The following KCNH7 variants were observed in gnomAD, a reference collection of about 807,000 sequenced individuals.
KCNH7 encodes the protein voltage-gated inwardly rectifying potassium channel KCNH7.
KCNH7 carries 49 observed loss-of-function variants against 120.8 expected under a neutral mutation model. That is an observed-to-expected ratio of 0.41 (90% CI 0.32 to 0.51). The LOEUF is 0.51. Ranked by LOEUF, KCNH7 falls within the 20% of genes least tolerant of loss-of-function variation. KCNH7 has a pLI of 0.38. For synonymous variants in KCNH7, 547 were observed against 516.1 expected (o/e 1.06, Z -0.81); for missense variants, 1,097 against 1,446.6 (o/e 0.76, Z 3.92).
At chr2:162,775,493 A>T (rs576572169) in intron 2 of KCNH7, among the ~76,000 whole-genome samples, 13 of 152,306 alleles carry the variant, frequency 8.5e-5, no homozygotes, top group Admixed American at 2.6e-4. Context: ...TTAAAAGAGT[A>T]GCCATCACAT....
intron 2 of KCNH7, among the ~76,000 whole-genome samples, chr2:162,749,194 C>CCTTT (rs1445777229): frequency 6.6e-6 from 1 of 150,992 alleles, no homozygotes; most frequent in Non-Finnish European, 1.5e-5. Context: ...CCTCTGCTTT[C>CCTTT]CTTTCTTTCT....
chr2:162,467,817 C>G (rs1689358353), intron 6 of KCNH7, among the ~76,000 whole-genome samples: 1 of 152,146 alleles, frequency 6.6e-6, no homozygotes, highest in Admixed American at 6.5e-5. Context: ...GTTGTGGAAT[C>G]TGAGAAGTCC....
intron 2 of KCNH7, among the ~76,000 whole-genome samples, chr2:162,755,543 A>C (rs1482723807): frequency 6.6e-6 from 1 of 152,096 alleles, no homozygotes; most frequent in Non-Finnish European, 1.5e-5. Context: ...TTGTTTACCC[A>C]CATGTTTCAC....
chr2:162,572,923 G>A (rs141405896), intron 2 of KCNH7, among the ~76,000 whole-genome samples: 1 of 152,190 alleles, frequency 6.6e-6, no homozygotes, highest in East Asian at 1.9e-4. Flanking sequence ...CGGAGGGATA[G>A]CATTGGGAGA....
At chr2:162,407,715 G>GA (rs1300132711) in intron 9 of KCNH7, among the ~76,000 whole-genome samples, 1 of 151,984 alleles carries the variant, frequency 6.6e-6, no homozygotes, top group Non-Finnish European at 1.5e-5. Flanking sequence ...AATTATTTGA[G>GA]AGAGGTAGTG....
chr2:162,373,603 G>A lies in KCNH7; in HGVS notation c.3191C>T (p.Thr1064Ile). 1 of 1,570,922 alleles carries A rather than the reference G, an allele frequency of 6.4e-7. No individual in the cohort carries two copies. The highest frequency in any genetic ancestry group is 8.6e-7 in the Non-Finnish European group (1 of 1,157,410). ...QTILQLLQKQ[T>I]TVVPPAYSMV... Reference sequence around the variant, plus strand: ...ACTGTAGGCTGGGGGGACCACAGTGGTTTGTTTCTGCAGCAACTGTAAGAT... The same window carrying A: ...ACTGTAGGCTGGGGGGACCACAGTGATTTGTTTCTGCAGCAACTGTAAGAT... The change falls in exon 15 of 16, where the codon ACC (threonine) becomes ATC (isoleucine). Residue 1064 changes from threonine to isoleucine, a missense_variant. Physicochemically the swap from Thr to Ile is moderately conservative, Grantham distance 89 (BLOSUM62 -1). Transcript: ENST00000332142.
chr2:162,372,077 G>C lies in KCNH7; in HGVS notation c.3343C>G (p.Leu1115Val). ...PSSQCPEFLD[L>V]EKSKLKSKES... The stretch of plus-strand genomic sequence containing the variant: ...TTGGATTTAAGTTTAGATTTTTCAA[G>C]GTCTAGAAATTCAGGACACTGATGG... Residue 1115 changes from leucine to valine, a missense_variant, in exon 16 of 16, where the codon CTT becomes GTT. Around this residue, in one of 8 missense-constraint regions of KCNH7, gnomAD observed 406 missense variants for 410.5 expected, o/e 0.99. Transcript: ENST00000332142. 1 of 1,611,510 alleles carries C rather than the reference G, an allele frequency of 6.2e-7. No individual in the cohort carries two copies. The highest frequency in any genetic ancestry group is 8.5e-7 in the Non-Finnish European group (1 of 1,178,114).
chr2:162,517,789 T>C lies in KCNH7; in HGVS notation c.833A>G (p.Asp278Gly). 1 of 1,604,306 alleles carries C rather than the reference T, an allele frequency of 6.2e-7. No homozygotes were observed. Among genetic ancestry groups the C allele is most frequent in the Non-Finnish European group, 8.5e-7 (1 of 1,172,072 alleles). Residue 278 changes from aspartate (D) to glycine (G), a missense_variant, in exon 4 of 16, where the codon GAT (aspartate) becomes GGT (glycine). Transcript: ENST00000332142. ...CSIRRASSVHDIEGFGVHPKN... is the reference protein window; with the variant it reads ...CSIRRASSVHGIEGFGVHPKN... ...GGGGTGGACGCCGAATCCTTCTATATCATGGACCGAAGATGCTCTCCGTAT... is the reference window on the plus strand; with the variant it reads ...GGGGTGGACGCCGAATCCTTCTATACCATGGACCGAAGATGCTCTCCGTAT...
At position 162,459,230 on chromosome 2, in the gene KCNH7, G is replaced by T. The variant is rs549498463; in HGVS notation, c.1129-12787C>A. Among the ~76,000 whole-genome samples the T allele has an allele frequency of 1.5e-4, 23 of 151,896 alleles. No individual in the cohort carries two copies. The South Asian group carries it at 4.8e-3, about 32-fold the overall frequency. ...AAAAGGCATAACCAGTATTCCTAGG[G>T]CTTAGCACAGTACCTGGTATATACA... On this transcript the variant is annotated intron_variant, in intron 6 of 15. Coordinates refer to ENST00000332142, the MANE Select transcript of KCNH7 (RefSeq NM_033272.4).
At chr2:162,387,432 C>T (rs1686605990) in intron 12 of KCNH7, among the ~76,000 whole-genome samples, 2 of 151,292 alleles carry the variant, frequency 1.3e-5, no homozygotes, top group Non-Finnish European at 3.0e-5. Flanking sequence ...ACTATTTTTG[C>T]CTTTTTCCAG....
intron 2 of KCNH7, among the ~76,000 whole-genome samples, chr2:162,580,056 A>G (rs958540431): frequency 2.6e-5 from 4 of 152,040 alleles, no homozygotes; most frequent in Non-Finnish European, 5.9e-5. Context: ...ATCAGGTCAC[A>G]TGTACTCCAG....
At chr2:162,731,449 A>C (rs2105392407) in intron 2 of KCNH7, among the ~76,000 whole-genome samples, 1 of 152,002 alleles carries the variant, frequency 6.6e-6, no homozygotes, top group Non-Finnish European at 1.5e-5. Context: ...TTGACTAAGC[A>C]ATCCTTGTAT....
At chr2:162,774,794 G>A (rs2105479234) in intron 2 of KCNH7, among the ~76,000 whole-genome samples, 1 of 152,132 alleles carries the variant, frequency 6.6e-6, no homozygotes, top group South Asian at 2.1e-4. Context: ...TGTCTTTCGA[G>A]TCTCCTTTGT....
chr2:162,469,830 C>CGAAAAA (rs1240957533), intron 6 of KCNH7, among the ~76,000 whole-genome samples: 1 of 152,178 alleles, frequency 6.6e-6, no homozygotes, highest in Non-Finnish European at 1.5e-5. Context: ...CCTCAGCCTA[C>CGAAAAA]CGAGTGCCTG....
intron 2 of KCNH7, among the ~76,000 whole-genome samples, chr2:162,722,069 G>A (rs954704506): frequency 6.6e-6 from 1 of 151,880 alleles, no homozygotes; most frequent in African/African-American, 2.4e-5. Flanking sequence ...TCACTAGTAC[G>A]TATTACTAGT....
intron 2 of KCNH7, among the ~76,000 whole-genome samples, chr2:162,735,499 A>C (rs1243661463): frequency 1.3e-5 from 2 of 152,208 alleles, no homozygotes; most frequent in Non-Finnish European, 2.9e-5. Flanking sequence ...CCTATAGATA[A>C]TGTCACTATT....
chr2:162,784,831 GT>G (rs1237915451), intron 2 of KCNH7: 1 of 152,088 alleles, frequency 6.6e-6, no homozygotes, highest in Non-Finnish European at 1.5e-5. Flanking sequence ...ATACACTATT[GT>G]TTTGGAAAAT....
intron 2 of KCNH7, among the ~76,000 whole-genome samples, chr2:162,766,183 T>G (rs748455732): frequency 6.6e-6 from 1 of 151,996 alleles, no homozygotes; most frequent in Non-Finnish European, 1.5e-5. Context: ...GTGTGTGTGT[T>G]TTGTGTGTGT....
At chr2:162,413,199 G>A (rs1687441788) in intron 9 of KCNH7, among the ~76,000 whole-genome samples, 1 of 151,890 alleles carries the variant, frequency 6.6e-6, no homozygotes, top group South Asian at 2.1e-4. Flanking sequence ...GCATGATTTG[G>A]CTCACCTTAA....
Sources: gnomAD v4.1 joint callset for allele counts (sites outside exome capture counted in the v4.1 genomes callset) on GRCh38, gnomAD v4.1.1 for gene constraint, gnomAD v4.1.1 regional missense constraint, MANE v1.5 for transcripts, NCBI Gene and HGNC (gene_info 2026-07-23, HGNC 2026-07-21) for gene names.